Variants in CSMD1 observed in about 807,000 individuals in gnomAD.
The protein encoded by CSMD1 is CUB and Sushi multiple domains 1, also known as CUB and sushi domain-containing protein 1.
A neutral mutation model predicts 417.5 loss-of-function variants in CSMD1; 213 were observed. The observed-to-expected ratio is 0.51, with a 90% CI of 0.46 to 0.57. The LOEUF is 0.57. Ranked by LOEUF, CSMD1 falls within the 20% of genes least tolerant of loss-of-function variation. CSMD1 has a pLI of 0.00. For missense variants in CSMD1, 6,923 were observed against 4,529.7 expected, an observed-to-expected ratio of 1.53 and a Z score of -15.17; for synonymous variants, 2,862 against 1,736.8, an observed-to-expected ratio of 1.65 and a Z score of -16.11.
At chr8:3,129,799 C>A (rs538014513) in intron 41 of CSMD1, among the ~76,000 whole-genome samples, 3 of 152,012 alleles carry the variant, frequency 2.0e-5, no homozygotes, top group South Asian at 2.1e-4. Flanking sequence ...GACCAGCCTG[C>A]CCAAGATGGT....
chr8:3,356,786 G>C (rs999581105), intron 21 of CSMD1, among the ~76,000 whole-genome samples: 4 of 152,236 alleles, frequency 2.6e-5, no homozygotes, highest in African/African-American at 9.6e-5. Flanking sequence ...GGCTCCATCT[G>C]TCTGCAGGAG....
intron 2 of CSMD1, among the ~76,000 whole-genome samples, chr8:4,596,909 G>A (rs1266417310): frequency 1.3e-5 from 2 of 152,162 alleles, no homozygotes; most frequent in East Asian, 1.9e-4. Flanking sequence ...CACAAGATCT[G>A]ATGGGTTTAT....
At chr8:4,522,561 C>G (rs1410633444) in intron 2 of CSMD1, among the ~76,000 whole-genome samples, 1 of 152,146 alleles carries the variant, frequency 6.6e-6, no homozygotes, top group Non-Finnish European at 1.5e-5. Context: ...ACTGATAATT[C>G]TGTTGCAATA....
chr8:3,959,323 A>T (rs1812168264), intron 5 of CSMD1, among the ~76,000 whole-genome samples: 1 of 152,036 alleles, frequency 6.6e-6, no homozygotes, highest in Admixed American at 6.6e-5. Flanking sequence ...ATGGCAAAAA[A>T]CCCTGTCTCT....
intron 3 of CSMD1, among the ~76,000 whole-genome samples, chr8:4,301,686 T>G (rs763444796): frequency 1.3e-5 from 2 of 152,234 alleles, no homozygotes; most frequent in Non-Finnish European, 2.9e-5. Context: ...ATGGACCAGA[T>G]TATTATTTTT....
At chr8:3,340,576 T>C (rs554242239) in intron 23 of CSMD1, among the ~76,000 whole-genome samples, 1 of 152,342 alleles carries the variant, frequency 6.6e-6, no homozygotes, top group East Asian at 1.9e-4. Context: ...GTCTTAAGCA[T>C]AAATAACTTG....
chr8:4,842,514 A>G (rs1334230804), intron 1 of CSMD1, among the ~76,000 whole-genome samples: 4 of 152,218 alleles, frequency 2.6e-5, no homozygotes, highest in African/African-American at 4.8e-5. Context: ...TTACTAAAAA[A>G]TGTAGCAAGT....
intron 5 of CSMD1, among the ~76,000 whole-genome samples, chr8:3,838,905 C>CTT: frequency 9.3e-6 from 1 of 107,278 alleles, no homozygotes; most frequent in East Asian, 2.4e-4. Flanking sequence ...ATAATATATA[C>CTT]TCTAGATATG....
chr8:4,947,458 G>C (rs1023708767), intron 1 of CSMD1, among the ~76,000 whole-genome samples: 2 of 151,976 alleles, frequency 1.3e-5, no homozygotes, highest in Non-Finnish European at 2.9e-5. Context: ...TATTTGACTT[G>C]TCATCTGTCC....
chr8:3,036,706 A>G (rs905412404), intron 50 of CSMD1, among the ~76,000 whole-genome samples: 5 of 152,176 alleles, frequency 3.3e-5, no homozygotes, highest in African/African-American at 1.2e-4. Flanking sequence ...GGGGAAAACT[A>G]GGATACTAAG....
intron 3 of CSMD1, among the ~76,000 whole-genome samples, chr8:4,140,421 C>T (rs1339584798): frequency 6.6e-6 from 1 of 150,886 alleles, no homozygotes; most frequent in East Asian, 1.9e-4. Flanking sequence ...TTGCTTGAAC[C>T]TGGGAAGTGG....
chr8:3,640,095 C>G (rs1286025164), intron 7 of CSMD1, among the ~76,000 whole-genome samples: 4 of 152,196 alleles, frequency 2.6e-5, no homozygotes, highest in East Asian at 1.9e-4. Context: ...ATTGAAGGCT[C>G]TCCCATGTAG....
chr8:3,622,029 C>T, intron 7 of CSMD1, among the ~76,000 whole-genome samples: 1 of 149,682 alleles, frequency 6.7e-6, no homozygotes. Flanking sequence ...TTGAATAGGT[C>T]TGTATTTCTA....
intron 10 of CSMD1, among the ~76,000 whole-genome samples, chr8:3,512,413 T>G (rs1563109494): frequency 1.3e-5 from 2 of 152,056 alleles, no homozygotes; most frequent in Non-Finnish European, 2.9e-5. Flanking sequence ...AGGCTTTTGG[T>G]GCACAGAATT....
intron 2 of CSMD1, among the ~76,000 whole-genome samples, chr8:4,488,852 C>T (rs532239561): frequency 5.3e-5 from 8 of 152,312 alleles, no homozygotes; most frequent in African/African-American, 9.6e-5. Context: ...ATTCCCCTGT[C>T]CTTATGATAA....
At chr8:3,482,494 C>T (rs902325657) in intron 11 of CSMD1, among the ~76,000 whole-genome samples, 1 of 152,084 alleles carries the variant, frequency 6.6e-6, no homozygotes. Context: ...TGTGTACAAA[C>T]CAAATATCAG....
chr8:3,454,708 G>A (rs183073246), intron 12 of CSMD1, among the ~76,000 whole-genome samples: 2 of 152,208 alleles, frequency 1.3e-5, no homozygotes, highest in Non-Finnish European at 2.9e-5. Flanking sequence ...GCTTCCCCTT[G>A]TGGGTAACCC....
At chr8:3,556,161 C>T (rs1172770601) in intron 10 of CSMD1, among the ~76,000 whole-genome samples, 1 of 151,856 alleles carries the variant, frequency 6.6e-6, no homozygotes, top group African/African-American at 2.4e-5. Flanking sequence ...CATCAATTTC[C>T]TAAGTGGATT....
chr8:3,590,994 G>T (rs1460030215), intron 8 of CSMD1, among the ~76,000 whole-genome samples: 1 of 152,062 alleles, frequency 6.6e-6, no homozygotes, highest in Admixed American at 6.6e-5. Flanking sequence ...AATCTAACTT[G>T]GTTTTCTGGA....
Sources: allele counts gnomAD v4.1 joint callset (sites outside exome capture counted in the v4.1 genomes callset), GRCh38; gene constraint gnomAD v4.1.1; transcripts MANE v1.5; gene names NCBI Gene and HGNC (gene_info 2026-07-23, HGNC 2026-07-21).